The following ETFA variants were observed in gnomAD, a reference collection of about 807,000 sequenced individuals.
ETFA encodes electron transfer flavoprotein subunit alpha, mitochondrial.
In ETFA, 22 loss-of-function variants were observed where a neutral mutation model predicts 46.2. The observed-to-expected ratio is 0.48, with a 90% CI of 0.34 to 0.68. The LOEUF is 0.68. Among genes scored for constraint, ETFA ranks in the 30% least tolerant of loss-of-function variants. ETFA has a pLI of 0.01. For synonymous variants in ETFA, 131 were observed against 139.9 expected (o/e 0.94, Z 0.45); for missense variants, 345 against 401.1 (o/e 0.86, Z 1.19).
chr15:76,249,202 C>G (rs2039272445), intron 9 of ETFA, among the ~76,000 whole-genome samples: 1 of 149,084 alleles, frequency 6.7e-6, no homozygotes, highest in Non-Finnish European at 1.5e-5. Context: ...GATCTTGGCT[C>G]ACCACAACCT....
At chr15:76,289,967 T>C (rs1054155232) in intron 4 of ETFA, among the ~76,000 whole-genome samples, 1 of 152,190 alleles carries the variant, frequency 6.6e-6, no homozygotes, top group Non-Finnish European at 1.5e-5. Flanking sequence ...AACTCAAGGC[T>C]CATGAAATTA....
intron 1 of ETFA, among the ~76,000 whole-genome samples, chr15:76,302,842 A>G (rs1440967804): frequency 2.0e-5 from 3 of 152,106 alleles, no homozygotes; most frequent in Non-Finnish European, 4.4e-5. Flanking sequence ...CATAAAGTCT[A>G]TTTTCAAAAA....
chr15:76,290,163 A>C (rs1304622751), intron 4 of ETFA, among the ~76,000 whole-genome samples: 1 of 152,202 alleles, frequency 6.6e-6, no homozygotes, highest in Non-Finnish European at 1.5e-5. Flanking sequence ...CTAGAACTCT[A>C]TTGTAAATAA....
At chr15:76,270,999 G>C (rs763122858) in intron 9 of ETFA, among the ~76,000 whole-genome samples, 1 of 151,972 alleles carries the variant, frequency 6.6e-6, no homozygotes. Flanking sequence ...GCAAAACCCA[G>C]TCTCCACTAA....
chr15:76,227,353 C>A (rs1320981025), intron 10 of ETFA, among the ~76,000 whole-genome samples: 2 of 151,848 alleles, frequency 1.3e-5, no homozygotes, highest in African/African-American at 4.8e-5. Context: ...CCCACCTCTA[C>A]TAAACACACA....
chr15:76,267,427 G>A (rs1429840788), intron 9 of ETFA, among the ~76,000 whole-genome samples: 1 of 152,110 alleles, frequency 6.6e-6, no homozygotes, highest in Non-Finnish European at 1.5e-5. Flanking sequence ...AGTTAATTTG[G>A]CCGGTTTTGT....
intron 9 of ETFA, chr15:76,261,309 G>C: frequency 6.6e-7 from 1 of 1,508,576 alleles, no homozygotes; most frequent in Admixed American, 1.7e-5. Flanking sequence ...CTACTACCGT[G>C]AGCCACACTG....
chr15:76,284,362 C>T, intron 7 of ETFA: 1 of 163,094 alleles, frequency 6.1e-6, no homozygotes, highest in Non-Finnish European at 1.3e-5. Context: ...CGGTGGCTCA[C>T]ACCTGTAATC....
chr15:76,273,224 C>T (rs561550435), intron 9 of ETFA, among the ~76,000 whole-genome samples: 4 of 152,154 alleles, frequency 2.6e-5, no homozygotes, highest in South Asian at 4.1e-4. Context: ...AAAAAGAACT[C>T]AAGTTTTCAA....
intron 9 of ETFA, among the ~76,000 whole-genome samples, chr15:76,270,890 C>T (rs2039522731): frequency 6.6e-6 from 1 of 152,110 alleles, no homozygotes; most frequent in Non-Finnish European, 1.5e-5. Flanking sequence ...AGTTTATTGG[C>T]CGGGCATAGT....
intron 1 of ETFA, among the ~76,000 whole-genome samples, chr15:76,306,330 G>C (rs1367429524): frequency 7.2e-6 from 1 of 138,818 alleles, no homozygotes; most frequent in Non-Finnish European, 1.5e-5. Context: ...GCAGTGGCGC[G>C]ATCTCAGCTC....
intron 1 of ETFA, among the ~76,000 whole-genome samples, chr15:76,297,944 T>C (rs1376776856): frequency 1.3e-5 from 2 of 152,216 alleles, no homozygotes; most frequent in Non-Finnish European, 2.9e-5. Flanking sequence ...CAATAGCGGT[T>C]GTGTAGAACC....
intron 8 of ETFA, among the ~76,000 whole-genome samples, chr15:76,277,833 C>T (rs1444015718): frequency 1.3e-5 from 2 of 152,158 alleles, no homozygotes; most frequent in African/African-American, 4.8e-5. Context: ...GAACCTCCAA[C>T]AATTCATCAA....
intron 9 of ETFA, among the ~76,000 whole-genome samples, chr15:76,243,817 AAAC>A (rs1027806674): frequency 1.4e-4 from 14 of 103,398 alleles, no homozygotes; most frequent in Non-Finnish European, 2.5e-4. Flanking sequence ...AAAAACAAAC[AAAC>A]AAAAAAAAAA....
intron 1 of ETFA, among the ~76,000 whole-genome samples, chr15:76,305,612 T>C (rs941228321): frequency 3.3e-5 from 5 of 152,214 alleles, no homozygotes; most frequent in African/African-American, 9.6e-5. Flanking sequence ...TATAAGATAG[T>C]ATACTTCTTG....
At chr15:76,267,817 T>G (rs2039486711) in intron 9 of ETFA, among the ~76,000 whole-genome samples, 1 of 152,108 alleles carries the variant, frequency 6.6e-6, no homozygotes, top group African/African-American at 2.4e-5. Context: ...ACAAGATATA[T>G]GATGGAGGGA....
intron 1 of ETFA, among the ~76,000 whole-genome samples, chr15:76,296,122 G>T (rs1193557257): frequency 1.3e-5 from 2 of 151,256 alleles, no homozygotes; most frequent in Non-Finnish European, 2.9e-5. Context: ...TTTTGTTTTT[G>T]TACTTTCAGT....
rs557651371 is a variant in ETFA at position 76,252,227 on chromosome 15, G to A, written c.817-20829C>T. Among the ~76,000 whole-genome samples the A allele has an allele frequency of 4.6e-5, 7 of 152,182 alleles. No homozygotes were observed. In the East Asian group the frequency reaches 7.7e-4, roughly 17 times the overall value. On this transcript the variant is annotated intron_variant, in intron 9 of 11. Transcript: ENST00000557943. ...TCTGTCACCCAGGCTGGAGTGTAGCGTCACAACTACGGCTCACTGCACCCT... is the reference window on the plus strand; with the variant it reads ...TCTGTCACCCAGGCTGGAGTGTAGCATCACAACTACGGCTCACTGCACCCT...
chr15:76,238,468 CA>C (rs562628634), intron 9 of ETFA, among the ~76,000 whole-genome samples: 1 of 152,024 alleles, frequency 6.6e-6, no homozygotes, highest in African/African-American at 2.4e-5. Context: ...GTTATGTGCT[CA>C]AAAAAACAAT....
Sources: allele counts gnomAD v4.1 joint callset (sites outside exome capture counted in the v4.1 genomes callset), GRCh38; gene constraint gnomAD v4.1.1; transcripts MANE v1.5; gene names NCBI Gene and HGNC (gene_info 2026-07-23, HGNC 2026-07-21).